Variants in HDGFL3 observed in about 807,000 individuals in gnomAD.
HDGFL3 encodes hepatoma-derived growth factor-related protein 3.
HDGFL3 carries 6 observed loss-of-function variants against 27.6 expected under a neutral mutation model. That is an observed-to-expected ratio of 0.22 (90% CI 0.12 to 0.43). The LOEUF (loss-of-function observed/expected upper bound fraction) is 0.43. HDGFL3 is among the 20% of genes least tolerant of loss of function. The pLI is 1.00. For missense variants in HDGFL3, 207 were observed against 250.1 expected (o/e 0.83, Z 1.16); for synonymous variants, 88 against 88.9 (o/e 0.99, Z 0.05).
At chr15:83,174,879 T>A (rs551148482) in intron 1 of HDGFL3, among the ~76,000 whole-genome samples, 2 of 152,350 alleles carry the variant, frequency 1.3e-5, no homozygotes, top group East Asian at 3.9e-4. Flanking sequence ...AGGTTGCAAA[T>A]TGGTGGCCCT....
At chr15:83,124,902 C>G (rs1422901361), downstream of HDGFL3, 4 of 812,524 alleles carry the variant, frequency 4.9e-6, no homozygotes, top group African/African-American at 7.0e-5. Flanking sequence ...ACCATTCCTC[C>G]CATCAAAGCC....
intron 1 of HDGFL3, among the ~76,000 whole-genome samples, chr15:83,174,649 T>A (rs1371032439): frequency 6.6e-6 from 1 of 152,216 alleles, no homozygotes; most frequent in African/African-American, 2.4e-5. Flanking sequence ...CAGAAAATGA[T>A]CATGCTTTAA....
At chr15:83,181,934 T>A (rs992972392) in intron 1 of HDGFL3, among the ~76,000 whole-genome samples, 2 of 152,256 alleles carry the variant, frequency 1.3e-5, no homozygotes, top group African/African-American at 4.8e-5. Flanking sequence ...TAGGGTTTAT[T>A]TTTACTTTTG....
chr15:83,164,340 T>C (rs975287614), intron 1 of HDGFL3, among the ~76,000 whole-genome samples: 1 of 116,306 alleles, frequency 8.6e-6, no homozygotes. Flanking sequence ...TTCCGGGGAA[T>C]CTGTCCTAGT....
At chr15:83,143,196 G>A (rs553225058) in intron 5 of HDGFL3, among the ~76,000 whole-genome samples, 30 of 152,190 alleles carry the variant, frequency 2.0e-4, no homozygotes, top group African/African-American at 7.2e-4. Flanking sequence ...ATTTTTTGTA[G>A]AGATGGGGTT....
intron 2 of HDGFL3, among the ~76,000 whole-genome samples, chr15:83,161,977 A>C (rs894464360): frequency 1.4e-4 from 21 of 152,186 alleles, no homozygotes; most frequent in Non-Finnish European, 1.0e-4. Context: ...AGTCACCTAC[A>C]TCAGAATTAG....
At chr15:83,181,095 G>A (rs2037375193) in intron 1 of HDGFL3, 2 of 152,062 alleles carry the variant, frequency 1.3e-5, no homozygotes, top group South Asian at 4.1e-4. Context: ...CAATCTTATA[G>A]CTACAGACAT....
intron 1 of HDGFL3, among the ~76,000 whole-genome samples, chr15:83,200,070 G>T (rs2037623053): frequency 6.8e-6 from 1 of 147,848 alleles, no homozygotes; most frequent in Non-Finnish European, 1.5e-5. Context: ...AAGGCCAGGT[G>T]TGGTGGCTTA....
In HDGFL3 at chr15:83,128,135, A is replaced by T. The variant is rs977822796; in HGVS notation, c.*11135T>A. On this transcript the variant is annotated 3_prime_UTR_variant, in exon 6 of 6. Transcript: ENST00000299633. ...ATTTTTCTTACTAGAAATAAAACAAATGAACTTATCATTTAAAAACATTAG... is the reference window on the plus strand; with the variant it reads ...ATTTTTCTTACTAGAAATAAAACAATTGAACTTATCATTTAAAAACATTAG... 6.6e-6 allele frequency: 1 copy of T among 152,300 alleles called. No individual in the cohort carries two copies. The highest frequency in any genetic ancestry group is 1.5e-5 in the Non-Finnish European group (1 of 68,082). 9.4% of individuals were successfully genotyped at this position (152,300 alleles called of 1,614,324 possible).
chr15:83,145,193 AC>A (rs1310314160), intron 5 of HDGFL3, among the ~76,000 whole-genome samples: 1 of 152,070 alleles, frequency 6.6e-6, no homozygotes, highest in Admixed American at 6.6e-5. Flanking sequence ...TACTCTGGAT[AC>A]TATAAGATGG....
At chr15:83,195,388 A>G (rs1221424739) in intron 1 of HDGFL3, among the ~76,000 whole-genome samples, 1 of 152,118 alleles carries the variant, frequency 6.6e-6, no homozygotes, top group Non-Finnish European at 1.5e-5. Flanking sequence ...TAAATGTAAT[A>G]GTCTGATCAT....
intron 1 of HDGFL3, among the ~76,000 whole-genome samples, chr15:83,173,809 A>C (rs2037275287): frequency 6.6e-6 from 1 of 152,180 alleles, no homozygotes; most frequent in Non-Finnish European, 1.5e-5. Context: ...ACTTAAACCC[A>C]AGAAAAGACT....
At chr15:83,196,445 T>G (rs537892356) in intron 1 of HDGFL3, among the ~76,000 whole-genome samples, 1 of 152,168 alleles carries the variant, frequency 6.6e-6, no homozygotes, top group African/African-American at 2.4e-5. Flanking sequence ...CTTTAGCCAG[T>G]TATAATTCCT....
chr15:83,115,181 G>A, exon 4 of HDGFL3: 1 of 155,632 alleles, frequency 6.4e-6, no homozygotes, highest in Admixed American at 6.4e-5. Flanking sequence ...GCAGTGGTGT[G>A]ATCTCGGCTC....
chr15:83,127,594 C>T (rs2151377023), downstream of HDGFL3: 1 of 1,169,726 alleles, frequency 8.5e-7, no homozygotes, highest in Non-Finnish European at 1.2e-6. Flanking sequence ...AGACATGTCA[C>T]CTTTTGTTTT....
intron 1 of HDGFL3, among the ~76,000 whole-genome samples, chr15:83,187,161 T>G (rs1300374933): frequency 3.4e-5 from 5 of 148,928 alleles, no homozygotes; most frequent in Non-Finnish European, 5.9e-5. Flanking sequence ...GGAAATTCTT[T>G]TTTTTTTTTT....
intron 4 of HDGFL3, among the ~76,000 whole-genome samples, chr15:83,156,802 T>C (rs1596551030): frequency 6.6e-6 from 1 of 152,102 alleles, no homozygotes; most frequent in Non-Finnish European, 1.5e-5. Context: ...CATGCCATTC[T>C]CCCACCTCAG....
chr15:83,197,533 A>G (rs2037586510), intron 1 of HDGFL3, among the ~76,000 whole-genome samples: 1 of 152,228 alleles, frequency 6.6e-6, no homozygotes, highest in South Asian at 2.1e-4. Flanking sequence ...CATTAGAAAC[A>G]TGTTAATCGC....
intron 1 of HDGFL3, among the ~76,000 whole-genome samples, chr15:83,178,882 G>C (rs1414113570): frequency 6.6e-6 from 1 of 152,148 alleles, no homozygotes. Context: ...ACTGCGAAAT[G>C]GATCAGGCTT....
Sources: allele counts gnomAD v4.1 joint callset (sites outside exome capture counted in the v4.1 genomes callset), GRCh38; gene constraint gnomAD v4.1.1; transcripts MANE v1.5; gene names NCBI Gene and HGNC (gene_info 2026-07-23, HGNC 2026-07-21).